The following ZFYVE9 variants were observed in gnomAD, a reference collection of about 807,000 sequenced individuals.
ZFYVE9 encodes the protein zinc finger FYVE-type containing 9.
Under a neutral mutation model 126.7 loss-of-function variants are expected in ZFYVE9, and 43 were observed. That is an observed-to-expected ratio of 0.34 (90% confidence interval 0.27 to 0.44). The LOEUF is 0.44. ZFYVE9 is among the 20% of genes least tolerant of loss of function. The pLI, the probability that ZFYVE9 is intolerant of heterozygous loss-of-function variation, is 1.00. For synonymous variants in ZFYVE9, 521 were observed against 597.4 expected, an observed-to-expected ratio of 0.87 and a Z score of 1.87; for missense variants, 1,476 against 1,697.0, an observed-to-expected ratio of 0.87 and a Z score of 2.29.
chr1:52,290,717 T>C (rs983642175), intron 10 of ZFYVE9, among the ~76,000 whole-genome samples: 1 of 152,172 alleles, frequency 6.6e-6, no homozygotes, highest in African/African-American at 2.4e-5. Flanking sequence ...TAAATTTACT[T>C]AAATCTTACT....
chr1:52,286,450 C>A (rs1645860271), intron 10 of ZFYVE9, among the ~76,000 whole-genome samples: 1 of 152,306 alleles, frequency 6.6e-6, no homozygotes. Flanking sequence ...TATACACACA[C>A]ACTTTTTTGT....
At chr1:52,282,805 T>G (rs1165697380) in intron 10 of ZFYVE9, among the ~76,000 whole-genome samples, 1 of 152,228 alleles carries the variant, frequency 6.6e-6, no homozygotes, top group Non-Finnish European at 1.5e-5. Flanking sequence ...GTTATACTTA[T>G]TAGATGTGAG....
At chr1:52,251,008 GGC>G (rs1645439240) in intron 4 of ZFYVE9, among the ~76,000 whole-genome samples, 1 of 151,718 alleles carries the variant, frequency 6.6e-6, no homozygotes, top group African/African-American at 2.4e-5. Context: ...CACCATGCTT[GGC>G]CAGTTTTCAG....
At chr1:52,202,922 G>C (rs1266103761) in intron 1 of ZFYVE9, among the ~76,000 whole-genome samples, 2 of 151,888 alleles carry the variant, frequency 1.3e-5, no homozygotes, top group African/African-American at 4.8e-5. Context: ...CTGACCTTAG[G>C]TGATCCCCCC....
chr1:52,195,869 T>C (rs1271847937), intron 1 of ZFYVE9, among the ~76,000 whole-genome samples: 1 of 151,816 alleles, frequency 6.6e-6, no homozygotes, highest in Non-Finnish European at 1.5e-5. Flanking sequence ...CTCAGCACAC[T>C]GCAGCCTCCG....
Position 52,230,058 on chromosome 1 carries a change from C to T in ZFYVE9, c.-36-3113C>T, listed in dbSNP as rs970192939. Reference sequence around the variant, plus strand: ...AATTTTTTTGTATTTTTAGTAGAGACGGGGTTTCACCGTGTTAGCCAGGAT... The same window carrying T: ...AATTTTTTTGTATTTTTAGTAGAGATGGGGTTTCACCGTGTTAGCCAGGAT... On this transcript the variant is annotated intron_variant, in intron 2 of 18. Coordinates refer to ENST00000287727, the MANE Select transcript of ZFYVE9 (RefSeq NM_004799.4). Among the ~76,000 whole-genome samples the T allele has an allele frequency of 4.6e-5, 7 of 152,094 alleles. No homozygotes were observed. The East Asian group carries it at 5.8e-4, about 13-fold the overall frequency.
chr1:52,340,978 A>T (rs6588427), intron 17 of ZFYVE9, among the ~76,000 whole-genome samples: 1 of 151,232 alleles, frequency 6.6e-6, no homozygotes, highest in African/African-American at 2.4e-5. Context: ...CAGCACTTTG[A>T]GGGAGACCAA....
intron 10 of ZFYVE9, among the ~76,000 whole-genome samples, chr1:52,292,137 C>G (rs1645926761): frequency 6.6e-6 from 1 of 151,660 alleles, no homozygotes; most frequent in South Asian, 2.1e-4. Context: ...AAAAAATCAG[C>G]TGAGTGTGGT....
At chr1:52,292,293 A>AC (rs896295034) in intron 10 of ZFYVE9, among the ~76,000 whole-genome samples, 2 of 151,406 alleles carry the variant, frequency 1.3e-5, no homozygotes, top group African/African-American at 4.8e-5. Context: ...AAAAAAAAAA[A>AC]AAAAACAAAA....
chr1:52,329,828 C>G lies in ZFYVE9; in HGVS notation c.3439-2940C>G, dbSNP rs76229735. ...GCTGAGGCAGGAGAATGGCGTGAAC[C>G]TGGGAGGTGGAGCTTGCAGTGAGCC... On this transcript the variant is annotated intron_variant, in intron 13 of 18. Transcript: ENST00000287727. Among the ~76,000 whole-genome samples the G allele has an allele frequency of 2.1e-3, 315 of 152,166 alleles. 14 individuals carry two copies. The East Asian group carries it at 0.056, about 27-fold the overall frequency.
rs1646373913 is a variant in ZFYVE9, at chr1:52,334,745, T to G, written c.3647T>G (p.Leu1216Arg). The G allele has an allele frequency of 6.2e-6, 10 of 1,614,028 alleles. No homozygotes were observed. The highest frequency in any genetic ancestry group is 8.5e-6 in the Non-Finnish European group (10 of 1,179,944). Residue 1216 changes from leucine to arginine, a missense_variant, in exon 15 of 19, where the codon CTT (leucine) becomes CGT (arginine). Leu to Arg is a moderately radical substitution (Grantham distance 102). This residue lies in a region of ZFYVE9 where 669 missense variants were observed against 902.4 expected (regional missense o/e 0.74). Transcript: ENST00000287727. ...GCTCTGAAATCCTCTTCTGGATACCTTGCCAAGTCCAGTATTGTGGAAGGT... is the reference window on the plus strand; with the variant it reads ...GCTCTGAAATCCTCTTCTGGATACCGTGCCAAGTCCAGTATTGTGGAAGGT... ...SGALKSSSGY[L>R]AKSSIVEDGV...
chr1:52,164,459 C>A (rs781344577), intron 1 of ZFYVE9, among the ~76,000 whole-genome samples: 3 of 152,118 alleles, frequency 2.0e-5, no homozygotes, highest in Non-Finnish European at 2.9e-5. Context: ...AGTAATCCAC[C>A]CGCCTCGGAC....
intron 1 of ZFYVE9, among the ~76,000 whole-genome samples, chr1:52,182,178 G>A (rs929765780): frequency 3.0e-4 from 45 of 151,654 alleles, no homozygotes; most frequent in African/African-American, 1.0e-3. Context: ...GGTGAGGGGC[G>A]CCTCTGCCCG....
rs748497833 is a variant in ZFYVE9 at position 52,337,847 on chromosome 1, C to T, written c.3746C>T (p.Thr1249Ile). The T allele has an allele frequency of 8.1e-6, 13 of 1,614,270 alleles. No individual in the cohort carries two copies. The highest frequency in any genetic ancestry group is 9.3e-6 in the Non-Finnish European group (11 of 1,180,044). The part of the protein sequence containing the change: ...RQALREMKDF[T>I]ITCGKADAEE... ...GCACTGCGAGAGATGAAGGACTTCA[C>T]CATCACCTGTGGGAAGGCGGACGCG... Residue 1249 changes from threonine (T) to isoleucine (I), a missense_variant, in exon 16 of 19, where the codon ACC becomes ATC. Around this residue, in one of 2 missense-constraint regions of ZFYVE9, gnomAD observed 669 missense variants for 902.4 expected, o/e 0.74. Transcript: ENST00000287727.
intron 1 of ZFYVE9, among the ~76,000 whole-genome samples, chr1:52,180,975 CAAA>C (rs746468501): frequency 3.8e-5 from 2 of 53,280 alleles, no homozygotes; most frequent in African/African-American, 1.4e-4. Flanking sequence ...AACTCCGTCT[CAAA>C]AAAAAAAAAA....
chr1:52,233,864 T>C (rs1372543687), intron 3 of ZFYVE9, among the ~76,000 whole-genome samples: 1 of 152,202 alleles, frequency 6.6e-6, no homozygotes, highest in Non-Finnish European at 1.5e-5. Context: ...CACTGGAACC[T>C]CTGCCTCCCT....
intron 1 of ZFYVE9, among the ~76,000 whole-genome samples, chr1:52,155,955 T>G (rs1644399129): frequency 6.6e-6 from 1 of 152,196 alleles, no homozygotes. Flanking sequence ...GGGTTTTTCT[T>G]TACCCTCTTT....
chr1:52,240,788 G>A (rs1229995559), intron 4 of ZFYVE9, among the ~76,000 whole-genome samples: 2 of 152,154 alleles, frequency 1.3e-5, no homozygotes, highest in African/African-American at 4.8e-5. Flanking sequence ...TATCAGGGAG[G>A]AAGGGACCTC....
chr1:52,180,415 T>C (rs778071549), intron 1 of ZFYVE9: 16 of 1,476,070 alleles, frequency 1.1e-5, no homozygotes, highest in Admixed American at 1.0e-4. Context: ...AGAGATGAGT[T>C]GCAGTGAAAA....
Sources: allele counts gnomAD v4.1 joint callset (sites outside exome capture counted in the v4.1 genomes callset), GRCh38; gene constraint gnomAD v4.1.1; regional missense constraint gnomAD v4.1.1; transcripts MANE v1.5; gene names NCBI Gene and HGNC (gene_info 2026-07-23, HGNC 2026-07-21).